The following HDGF variants were observed in gnomAD, a reference collection of about 807,000 sequenced individuals.
HDGF encodes heparin binding growth factor.
HDGF carries 5 observed loss-of-function variants against 30.0 expected under a neutral mutation model. The ratio of observed to expected loss-of-function variants is 0.17; its 90% CI spans 0.09 to 0.35. HDGF has a LOEUF of 0.35. Among genes scored for constraint, HDGF ranks in the 10% least tolerant of loss-of-function variants. The probability of loss-of-function intolerance (pLI) is 1.00; values close to 1 mark genes in which losing one functional copy is unlikely to be tolerated. For synonymous variants in HDGF, 133 were observed against 112.7 expected (o/e 1.18, Z -1.14); for missense variants, 214 against 302.8 (o/e 0.71, Z 2.18).
intron 2 of HDGF, 66 bp downstream of exon 2, chr1:156,745,231 C>T: frequency 6.2e-7 from 1 of 1,609,684 alleles, no homozygotes; most frequent in Middle Eastern, 1.7e-4. Flanking sequence ...ACCAACACCA[C>T]CTCACCTTCC....
chr1:156,751,823 G>T, upstream of HDGF: 2 of 1,052,766 alleles, frequency 1.9e-6, no homozygotes, highest in Non-Finnish European at 2.5e-6. The surrounding 1 kb of genome is among the most constrained non-coding windows in gnomAD (Gnocchi z 4.7). Context: ...TTTGATGCGT[G>T]CAGCTTCTTG....
chr1:156,752,497 T>C (rs1651044629), upstream of HDGF: 3 of 785,170 alleles, frequency 3.8e-6, no homozygotes, highest in East Asian at 8.1e-5. Flanking sequence ...CAGTAAACTG[T>C]GAAGACCGAG....
intron 1 of HDGF, among the ~76,000 whole-genome samples, chr1:156,762,434 G>T (rs1257047781): frequency 2.0e-5 from 3 of 151,956 alleles, no homozygotes; most frequent in Non-Finnish European, 2.9e-5. Context: ...TGGGCAGAGT[G>T]GCCTGTTTGT....
At chr1:156,765,916 A>C (rs1651361273) in intron 1 of HDGF, among the ~76,000 whole-genome samples, 1 of 152,232 alleles carries the variant, frequency 6.6e-6, no homozygotes, top group Non-Finnish European at 1.5e-5. Context: ...GCTGTGAGGT[A>C]GGACTTGATG....
intron 2 of HDGF, among the ~76,000 whole-genome samples, chr1:156,758,605 AAAT>A (rs1425855868): frequency 1.3e-4 from 8 of 63,528 alleles, no homozygotes; most frequent in African/African-American, 2.0e-4. Context: ...AAAAAAAAAT[AAAT>A]AAATAAATAA....
At chr1:156,744,534 G>T (rs759591047) in intron 3 of HDGF, 186 bp from the exon 4 acceptor site, 1 of 1,551,992 alleles carries the variant, frequency 6.4e-7, no homozygotes, top group South Asian at 1.2e-5. Context: ...AAACCCACTG[G>T]CCGGGCAGGC....
At chr1:156,743,541 G>T in intron 5 of HDGF, 86 bp from the exon 6 acceptor site, 1 of 1,570,838 alleles carries the variant, frequency 6.4e-7, no homozygotes, top group Non-Finnish European at 8.7e-7. Context: ...TCCTAGGAGA[G>T]CCCACCCTGC....
chr1:156,743,316 G>A lies in HDGF; in HGVS notation c.*133C>T. ...TCTCCATGGGCTGGGCTTGGAGTGG[G>A]AAAAGTGAGTAGAAGAGGAGAGCAG... On this transcript the variant is annotated 3_prime_UTR_variant, in exon 6 of 6. Coordinates refer to ENST00000357325, the MANE Select transcript of HDGF (RefSeq NM_004494.3). 3 of 1,006,362 alleles carry A rather than the reference G, an allele frequency of 3.0e-6. No individual in the cohort carries two copies. Among genetic ancestry groups the A allele is most frequent in the Non-Finnish European group, 4.4e-6 (3 of 682,960 alleles). The allele number at this position is 1,006,362 out of a possible 1,614,324, so 62.3% of individuals were successfully genotyped here.
intron 1 of HDGF, among the ~76,000 whole-genome samples, chr1:156,748,265 TACAAAGAAAATG>T (rs1650727841): frequency 6.6e-6 from 1 of 152,174 alleles, no homozygotes; most frequent in Non-Finnish European, 1.5e-5. Context: ...TCCCTCAAGC[TACAAAGAAAATG>T]TCCTTTCTTA....
At chr1:156,766,272 T>C (rs1274135683) in intron 1 of HDGF, among the ~76,000 whole-genome samples, 1 of 152,198 alleles carries the variant, frequency 6.6e-6, no homozygotes, top group East Asian at 1.9e-4. Context: ...TCCCTCCTCA[T>C]CAACCTTTCC....
chr1:156,744,807 A>C (rs1185927554), intron 3 of HDGF, among the ~76,000 whole-genome samples: 1 of 152,084 alleles, frequency 6.6e-6, no homozygotes, highest in Non-Finnish European at 1.5e-5. Flanking sequence ...GCTGTCTCAC[A>C]GTTGTCCCTA....
In HDGF at chr1:156,751,215, AAG is replaced by A. The variant is rs1213104899; in HGVS notation, c.87+126_87+127del. On this transcript the variant is annotated intron_variant, in intron 1 of 5. Coordinates refer to ENST00000357325, the MANE Select transcript of HDGF (RefSeq NM_004494.3). The surrounding 1 kb of genome is among the most constrained non-coding windows in gnomAD (Gnocchi z 4.7). Reference sequence around the variant, plus strand: ...CGGGTGGGCTTGGAAGCGACAGAGAAAGAGCCGGAGACCTACAAGCCCCCTGC... The same window carrying A: ...CGGGTGGGCTTGGAAGCGACAGAGAAAGCCGGAGACCTACAAGCCCCCTGC... 4 of 1,208,022 alleles carry A rather than the reference AAG, an allele frequency of 3.3e-6. No individual in the cohort carries two copies. In the East Asian group the frequency reaches 1.0e-4, roughly 31 times the overall value. The allele number at this position is 1,208,022 out of a possible 1,614,324, so 74.8% of individuals were successfully genotyped here.
At chr1:156,758,593 A>AAAAC (rs1485246414) in intron 2 of HDGF, among the ~76,000 whole-genome samples, 1 of 79,016 alleles carries the variant, frequency 1.3e-5, no homozygotes, top group Non-Finnish European at 2.6e-5. Context: ...ACTCCGTCTC[A>AAAAC]AAAAAAAAAA....
At chr1:156,752,101 C>T (rs1223946820), upstream of HDGF, 2 of 1,551,560 alleles carry the variant, frequency 1.3e-6, no homozygotes. Context: ...CCCTCTGCTC[C>T]ATCTCAATCC....
At position 156,751,105 on chromosome 1, in the gene HDGF, G is replaced by A. The variant is rs1373022018; in HGVS notation, c.87+238C>T. 2.0e-5 allele frequency among the ~76,000 whole-genome samples: 3 copies of A among 152,128 alleles called. No individual in the cohort carries two copies. Among genetic ancestry groups the A allele is most frequent in the Non-Finnish European group, 4.4e-5 (3 of 68,006 alleles). On this transcript the variant is annotated intron_variant, in intron 1 of 5. Coordinates refer to ENST00000357325, the MANE Select transcript of HDGF (RefSeq NM_004494.3). This position sits in a 1 kb window ranked among gnomAD's most constrained non-coding sequence, Gnocchi z 4.7. ...GTGACCGGCGCCCTCGGATCCCCAC[G>A]CCGTGAACACGCCACTACGCGCGGA...
chr1:156,749,358 G>A lies in HDGF; in HGVS notation c.87+1985C>T, dbSNP rs1457342686. Among the ~76,000 whole-genome samples the A allele has an allele frequency of 2.6e-5, 4 of 152,216 alleles. 1 individual carries two copies. Among genetic ancestry groups the A allele is most frequent in the East Asian group, 3.8e-4 (2 of 5,196 alleles). The stretch of plus-strand genomic sequence containing the variant: ...TCTGCCTCTCTAGGGACTAAGACAC[G>A]GTCCAAGGAATGGTGAGGAGACTCG... On this transcript the variant is annotated intron_variant, in intron 1 of 5. Coordinates refer to ENST00000357325, the MANE Select transcript of HDGF (RefSeq NM_004494.3).
chr1:156,751,158 AC>A lies in HDGF; in HGVS notation c.87+184del, dbSNP rs1650949659. ...CCGTGCCCGCCAGGTGTCTACCCCC[AC>A]CCCCGCCCGCCTCCACCATTATATA... On this transcript the variant is annotated intron_variant, in intron 1 of 5. Coordinates refer to ENST00000357325, the MANE Select transcript of HDGF (RefSeq NM_004494.3). The surrounding 1 kb of genome is among the most constrained non-coding windows in gnomAD (Gnocchi z 4.7). Among the ~76,000 whole-genome samples, 1 of 150,776 alleles carries A rather than the reference AC, an allele frequency of 6.6e-6. No individual in the cohort carries two copies. The highest frequency in any genetic ancestry group is 1.5e-5 in the Non-Finnish European group (1 of 67,550).
upstream of HDGF, chr1:156,751,984 G>C: frequency 6.6e-7 from 1 of 1,504,292 alleles, no homozygotes; most frequent in Non-Finnish European, 9.0e-7. This position sits in a 1 kb window ranked among gnomAD's most constrained non-coding sequence, Gnocchi z 4.7. Flanking sequence ...AGGAGCTGGC[G>C]CCCGGCTGGA....
Position 156,751,292 on chromosome 1 carries a change from A to C in HDGF, c.87+51T>G. On this transcript the variant is annotated intron_variant, in intron 1 of 5. Coordinates refer to ENST00000357325, the MANE Select transcript of HDGF (RefSeq NM_004494.3). This position sits in a 1 kb window ranked among gnomAD's most constrained non-coding sequence, Gnocchi z 4.7. ...GAGCGCTCGTGCCCTTCCCGGTGTTATGCAACCCAAGCCCGCAGGGGGTTA... is the reference window on the plus strand; with the variant it reads ...GAGCGCTCGTGCCCTTCCCGGTGTTCTGCAACCCAAGCCCGCAGGGGGTTA... 1 of 1,579,994 alleles carries C rather than the reference A, an allele frequency of 6.3e-7. No individual in the cohort carries two copies. The highest frequency in any genetic ancestry group is 8.6e-7 in the Non-Finnish European group (1 of 1,161,512).
Sources: gnomAD v4.1 joint callset for allele counts (sites outside exome capture counted in the v4.1 genomes callset) on GRCh38, gnomAD v4.1.1 for gene constraint, Gnocchi (gnomAD v3.1) non-coding constraint, MANE v1.5 for transcripts, NCBI Gene and HGNC (gene_info 2026-07-23, HGNC 2026-07-21) for gene names.